Variants in NEO1 observed in about 807,000 individuals in gnomAD.
The protein encoded by NEO1 is neogenin.
In NEO1, 63 loss-of-function variants were observed where a neutral mutation model predicts 159.7. The ratio of observed to expected loss-of-function variants is 0.39; its 90% confidence interval spans 0.32 to 0.49. NEO1 has a LOEUF of 0.49. Among genes scored for constraint, NEO1 ranks in the 20% least tolerant of loss-of-function variants. The pLI, the probability that NEO1 is intolerant of heterozygous loss-of-function variation, is 0.85. For synonymous variants in NEO1, 633 were observed against 662.0 expected, an observed-to-expected ratio of 0.96 and a Z score of 0.67; for missense variants, 1,615 against 1,831.0, an observed-to-expected ratio of 0.88 and a Z score of 2.15.
intron 8 of NEO1, among the ~76,000 whole-genome samples, chr15:73,241,397 G>A (rs1461034928): frequency 6.6e-6 from 1 of 152,118 alleles, no homozygotes; most frequent in Non-Finnish European, 1.5e-5. Context: ...TTTTTAAATA[G>A]TTACATTTGA....
chr15:73,179,941 A>G (rs1327591839), intron 7 of NEO1, among the ~76,000 whole-genome samples: 1 of 151,780 alleles, frequency 6.6e-6, no homozygotes, highest in Non-Finnish European at 1.5e-5. Flanking sequence ...GTTTTTTCCT[A>G]TTACAAACAA....
rs907616413 is a variant in NEO1, at chr15:73,176,435, A to G, written c.1048A>G (p.Ile350Val). 6.2e-7 allele frequency: 1 copy of G among 1,603,980 alleles called. No individual in the cohort carries two copies. The highest frequency in any genetic ancestry group is 8.5e-7 in the Non-Finnish European group (1 of 1,174,918). ...QPEFLKQPTN[I>V]YAHESMDIVF... ...TGAATTCCTGAAGCAGCCTACTAATATATATGCTCACGAATCTATGGATAT... is the reference window on the plus strand; with the variant it reads ...TGAATTCCTGAAGCAGCCTACTAATGTATATGCTCACGAATCTATGGATAT... The change falls in exon 6 of 29, where the codon ATA becomes GTA. Residue 350 changes from isoleucine (I) to valine (V), a missense_variant. Ile to Val is a conservative substitution (Grantham distance 29). Coordinates refer to ENST00000261908, the MANE Select transcript of NEO1 (RefSeq NM_002499.4).
At chr15:73,231,266 G>A (rs1431934583) in intron 7 of NEO1, among the ~76,000 whole-genome samples, 1 of 151,944 alleles carries the variant, frequency 6.6e-6, no homozygotes, top group Non-Finnish European at 1.5e-5. Flanking sequence ...TTTTTTTCAG[G>A]CACACATGGA....
At chr15:73,151,726 C>T (rs1051392277) in intron 5 of NEO1, among the ~76,000 whole-genome samples, 2 of 152,186 alleles carry the variant, frequency 1.3e-5, no homozygotes, top group African/African-American at 4.8e-5. Flanking sequence ...TTACCTCCCA[C>T]AGGGTCTCTC....
intron 1 of NEO1, among the ~76,000 whole-genome samples, chr15:73,057,015 T>C (rs1019824334): frequency 4.6e-5 from 7 of 152,170 alleles, no homozygotes; most frequent in African/African-American, 9.7e-5. Flanking sequence ...AAGACATACA[T>C]GAAGGCAGAG....
intron 5 of NEO1, among the ~76,000 whole-genome samples, chr15:73,146,149 T>C (rs1174663843): frequency 1.3e-5 from 2 of 152,222 alleles, no homozygotes; most frequent in Admixed American, 1.3e-4. Context: ...ATTTTATACA[T>C]TATCTGTCTT....
chr15:73,128,790 G>T (rs924796099), intron 4 of NEO1, among the ~76,000 whole-genome samples: 7 of 152,120 alleles, frequency 4.6e-5, no homozygotes, highest in East Asian at 1.9e-4. Context: ...GTGGGCCAGG[G>T]TATGCACATC....
chr15:73,298,595 A>G lies in NEO1; in HGVS notation c.4149A>G (p.Pro1383=), dbSNP rs1460498364. The change falls in exon 27 of 29, where the codon CCA becomes CCG. Residue 1383 remains proline, a synonymous_variant. Coordinates refer to ENST00000261908, the MANE Select transcript of NEO1 (RefSeq NM_002499.4). ...ATGATCCTGCATTGCCAAGCACACC[A>G]TTACTGTCCCAGCAAGGTGAGTGAG... The part of the protein sequence containing the change: ...PTYDPALPST[P]LLSQQALNHH... 2 of 1,614,028 alleles carry G rather than the reference A, an allele frequency of 1.2e-6. No individual in the cohort carries two copies. Among genetic ancestry groups the G allele is most frequent in the Admixed American group, 1.7e-5 (1 of 59,996 alleles).
chr15:73,302,591 A>T, intron 28 of NEO1, 22 bp from the exon 29 acceptor site: 1 of 1,609,270 alleles, frequency 6.2e-7, no homozygotes, highest in African/African-American at 1.3e-5. Flanking sequence ...CCAGCCCAGT[A>T]ACAGTGTTTT....
Position 73,136,043 on chromosome 15 carries a change from C to T in NEO1, c.1015+16C>T, listed in dbSNP as rs771090343. ...ACAGTGCAAGGTATGTAAATATTTA[C>T]TGTATAATTTAAAAATCCTGTGTAC... On this transcript the variant is annotated intron_variant, in intron 5 of 28. Coordinates refer to ENST00000261908, the MANE Select transcript of NEO1 (RefSeq NM_002499.4). 1.9e-6 allele frequency: 3 copies of T among 1,576,818 alleles called. No individual in the cohort carries two copies. The highest frequency in any genetic ancestry group is 2.7e-5 in the African/African-American group (2 of 72,972).
chr15:73,227,324 C>T (rs1223028732), intron 7 of NEO1, among the ~76,000 whole-genome samples: 1 of 152,064 alleles, frequency 6.6e-6, no homozygotes, highest in Non-Finnish European at 1.5e-5. Context: ...GGTGAAACCC[C>T]GTCTCTGCTA....
rs957188348 is a variant in NEO1 at position 73,304,783 on chromosome 15, A to G, written c.*2087A>G. On this transcript the variant is annotated 3_prime_UTR_variant, in exon 29 of 29. Transcript: ENST00000261908. ...GCTTCTGTTACCTCAGGGCCTTGGT[A>G]CCTGGATACTGCCACAGAATTGGGG... is the stretch of plus-strand genomic sequence containing the variant. 6.6e-6 allele frequency: 1 copy of G among 151,844 alleles called. No homozygotes were observed. The highest frequency in any genetic ancestry group is 2.4e-5 in the African/African-American group (1 of 41,302). The allele number at this position is 151,844 out of a possible 1,614,324, so 9.4% of individuals were successfully genotyped here.
At chr15:73,073,063 C>T (rs2068612648) in intron 1 of NEO1, among the ~76,000 whole-genome samples, 1 of 152,098 alleles carries the variant, frequency 6.6e-6, no homozygotes, top group Non-Finnish European at 1.5e-5. Context: ...GGCAGCATTA[C>T]AGTCTGGAGT....
intron 7 of NEO1, among the ~76,000 whole-genome samples, chr15:73,220,946 C>T (rs2038216571): frequency 6.6e-6 from 1 of 152,222 alleles, no homozygotes; most frequent in Non-Finnish European, 1.5e-5. Flanking sequence ...ATTCTCTATC[C>T]AGCTTTGTTC....
chr15:73,102,547 T>C (rs560678017), intron 1 of NEO1, among the ~76,000 whole-genome samples: 2 of 152,332 alleles, frequency 1.3e-5, no homozygotes, highest in South Asian at 4.1e-4. Context: ...TTTCTCAATG[T>C]ATATCTAATG....
At chr15:73,102,226 C>T (rs1171429440) in intron 1 of NEO1, among the ~76,000 whole-genome samples, 5 of 151,978 alleles carry the variant, frequency 3.3e-5, no homozygotes, top group African/African-American at 7.3e-5. Flanking sequence ...ATTAGCTGGG[C>T]GTGGTGGCAC....
intron 8 of NEO1, among the ~76,000 whole-genome samples, chr15:73,237,434 T>C (rs961480093): frequency 1.3e-5 from 2 of 152,226 alleles, no homozygotes; most frequent in South Asian, 2.1e-4. Context: ...TGTTCACACA[T>C]TGCCGAGTAG....
intron 12 of NEO1, 108 bp downstream of exon 12, chr15:73,253,557 C>A (rs545093417): frequency 3.0e-6 from 2 of 667,412 alleles, no homozygotes; most frequent in Non-Finnish European, 2.4e-6. Flanking sequence ...AAATGAATGG[C>A]GATGTGGTAA....
chr15:73,153,656 ATATAAT>A (rs1418751765), intron 5 of NEO1, among the ~76,000 whole-genome samples: 1 of 152,240 alleles, frequency 6.6e-6, no homozygotes, highest in Admixed American at 6.5e-5. Flanking sequence ...TGATTACGTA[ATATAAT>A]TATACTTTAA....
Sources: gnomAD v4.1 joint callset for allele counts (sites outside exome capture counted in the v4.1 genomes callset) on GRCh38, gnomAD v4.1.1 for gene constraint, MANE v1.5 for transcripts, NCBI Gene and HGNC (gene_info 2026-07-23, HGNC 2026-07-21) for gene names.